Variants in LEKR1 observed in about 807,000 individuals in gnomAD.
The protein encoded by LEKR1 is protein LEKR1.
Under a neutral mutation model 72.4 loss-of-function variants are expected in LEKR1, and 59 were observed. The observed-to-expected ratio is 0.82, with a 90% CI of 0.66 to 1.01. The LOEUF is 1.01. LEKR1 is among the 50% of genes least tolerant of loss of function. The pLI is 0.00. For missense variants in LEKR1, 728 were observed against 759.2 expected (o/e 0.96, Z 0.48); for synonymous variants, 257 against 263.2 (o/e 0.98, Z 0.23).
chr3:156,993,004 T>C (rs1452210359), intron 8 of LEKR1, 70 bp from the exon 9 acceptor site: 15 of 783,814 alleles, frequency 1.9e-5, no homozygotes, highest in Non-Finnish European at 1.4e-5. Context: ...GAGCTCTTGA[T>C]ACATCTTTGG....
intron 3 of LEKR1, among the ~76,000 whole-genome samples, chr3:156,880,717 G>A (rs549188374): frequency 1.4e-4 from 21 of 152,218 alleles, no homozygotes; most frequent in African/African-American, 4.8e-4. Context: ...TTTTAGACCA[G>A]TATCCTTGAT....
At chr3:156,932,252 G>A (rs981491906) in intron 5 of LEKR1, among the ~76,000 whole-genome samples, 1 of 151,266 alleles carries the variant, frequency 6.6e-6, no homozygotes, top group African/African-American at 2.4e-5. Flanking sequence ...GTTAAATATT[G>A]GAAAAAAATC....
At chr3:156,849,001 G>A (rs898120975) in intron 2 of LEKR1, among the ~76,000 whole-genome samples, 12 of 152,208 alleles carry the variant, frequency 7.9e-5, no homozygotes, top group African/African-American at 2.4e-4. Flanking sequence ...TGTATATCTA[G>A]AAAACCCCAT....
chr3:156,855,595 T>C (rs919185163), intron 3 of LEKR1, among the ~76,000 whole-genome samples: 15 of 152,180 alleles, frequency 9.9e-5, no homozygotes, highest in Admixed American at 5.9e-4. Context: ...TTTTGCTGTA[T>C]CTTTTAAAAA....
chr3:156,934,204 A>G (rs185358171), intron 5 of LEKR1, among the ~76,000 whole-genome samples: 1 of 152,272 alleles, frequency 6.6e-6, no homozygotes. Flanking sequence ...GTCTCCTCCT[A>G]CTGGTTGTAA....
intron 2 of LEKR1, among the ~76,000 whole-genome samples, chr3:156,849,389 C>T (rs1036812047): frequency 1.3e-5 from 2 of 152,060 alleles, no homozygotes; most frequent in Non-Finnish European, 2.9e-5. Context: ...ACTTTCTTCA[C>T]AGAATTGGAA....
chr3:156,874,133 C>A (rs1037300097), intron 3 of LEKR1, among the ~76,000 whole-genome samples: 9 of 151,990 alleles, frequency 5.9e-5, no homozygotes, highest in African/African-American at 9.7e-5. Flanking sequence ...ACTTGATCTA[C>A]TCTATTATTT....
intron 3 of LEKR1, among the ~76,000 whole-genome samples, chr3:156,856,667 C>T (rs1185570370): frequency 1.3e-5 from 2 of 152,026 alleles, no homozygotes; most frequent in South Asian, 2.1e-4. Flanking sequence ...TTAGTTTAAT[C>T]CTTGGACATA....
chr3:156,835,863 C>CTTTT (rs59061418), intron 2 of LEKR1, among the ~76,000 whole-genome samples: 570 of 55,526 alleles, frequency 0.01, 136 homozygotes, highest in Middle Eastern at 0.021. Context: ...CTCTGTCTCA[C>CTTTT]TTTTTTTTTT....
chr3:156,836,722 A>C, intron 2 of LEKR1, among the ~76,000 whole-genome samples: 1 of 152,228 alleles, frequency 6.6e-6, no homozygotes, highest in East Asian at 1.9e-4. Context: ...AATATGTAGA[A>C]TAGCCCCTGA....
intron 3 of LEKR1, among the ~76,000 whole-genome samples, chr3:156,872,778 A>G (rs959262317): frequency 4.6e-5 from 7 of 151,794 alleles, no homozygotes; most frequent in Non-Finnish European, 1.0e-4. Flanking sequence ...GTTGATTTTT[A>G]GTTTTATTAC....
intron 7 of LEKR1, among the ~76,000 whole-genome samples, chr3:156,980,983 A>C: frequency 6.6e-6 from 1 of 152,214 alleles, no homozygotes; most frequent in East Asian, 1.9e-4. Context: ...CTATAAGATT[A>C]TAATACCGTA....
At chr3:157,009,330 A>G (rs910289316) in intron 9 of LEKR1, among the ~76,000 whole-genome samples, 1 of 152,164 alleles carries the variant, frequency 6.6e-6, no homozygotes, top group Non-Finnish European at 1.5e-5. Context: ...ATTGGTATGT[A>G]TTCTACATTT....
chr3:156,826,551 C>T, intron 1 of LEKR1, 175 bp downstream of exon 1: 1 of 155,148 alleles, frequency 6.4e-6, no homozygotes, highest in Non-Finnish European at 1.5e-5. Context: ...CGGCCCCTTC[C>T]TGGTGTCTGC....
chr3:156,909,521 T>G (rs772927482), intron 3 of LEKR1, among the ~76,000 whole-genome samples: 7 of 151,926 alleles, frequency 4.6e-5, no homozygotes, highest in Non-Finnish European at 7.4e-5. Flanking sequence ...TGTGGTGGCA[T>G]GCGCCTGTAG....
intron 7 of LEKR1, among the ~76,000 whole-genome samples, chr3:156,983,437 A>T (rs1286876836): frequency 6.6e-6 from 1 of 152,178 alleles, no homozygotes; most frequent in African/African-American, 2.4e-5. Flanking sequence ...CCACAGACTC[A>T]GCCTCAGGAC....
intron 6 of LEKR1, among the ~76,000 whole-genome samples, chr3:156,955,814 TTGTTGTTG>T (rs749880064): frequency 2.0e-5 from 3 of 150,940 alleles, no homozygotes; most frequent in South Asian, 2.1e-4. Context: ...TTTCTTTTTG[TTGTTGTTG>T]TTGTTGTTGT....
At chr3:156,904,417 GTTT>G (rs201230976) in intron 3 of LEKR1, among the ~76,000 whole-genome samples, 1 of 139,084 alleles carries the variant, frequency 7.2e-6, no homozygotes, top group Non-Finnish European at 1.6e-5. Flanking sequence ...ACAGAATCAT[GTTT>G]TTTTTTTTTT....
chr3:156,943,459 G>C (rs1392001176), intron 6 of LEKR1, among the ~76,000 whole-genome samples: 3 of 151,900 alleles, frequency 2.0e-5, no homozygotes, highest in African/African-American at 7.2e-5. Context: ...ACCATGAAAA[G>C]CTGGTATAAT....
Sources: allele counts gnomAD v4.1 joint callset (sites outside exome capture counted in the v4.1 genomes callset), GRCh38; gene constraint gnomAD v4.1.1; transcripts MANE v1.5; gene names NCBI Gene and HGNC (gene_info 2026-07-23, HGNC 2026-07-21).